The following OR4F16 variants were observed in gnomAD, a reference collection of about 807,000 sequenced individuals.
OR4F16 encodes olfactory receptor family 4 subfamily F member 16, also known as olfactory receptor 4F3/4F16/4F29.
At chr1:701,287 G>C in the OR4F16 span, among the ~76,000 whole-genome samples, 3 of 149,314 alleles carry the variant, frequency 2.0e-5, no homozygotes, top group South Asian at 6.3e-4. Flanking sequence ...TGGAGGCTGA[G>C]GAAAACGCAC....
At chr1:690,406 T>TG (rs1402094812), upstream of OR4F16, among the ~76,000 whole-genome samples, 244 of 113,350 alleles carry the variant, frequency 2.2e-3, no homozygotes, top group African/African-American at 9.5e-3. Context: ...CATAGCTGTT[T>TG]GCCAAAATTC....
chr1:687,455 T>C (rs1283247176), upstream of OR4F16, among the ~76,000 whole-genome samples: 2 of 138,816 alleles, frequency 1.4e-5, no homozygotes, highest in Non-Finnish European at 3.1e-5. Flanking sequence ...TCTGCTAAGA[T>C]ACATGCATAA....
At chr1:713,552 T>C in the OR4F16 span, among the ~76,000 whole-genome samples, 2 of 134,978 alleles carry the variant, frequency 1.5e-5, no homozygotes, top group African/African-American at 7.0e-5. Flanking sequence ...CCATAGTCTC[T>C]CCCATTTCAA....
the OR4F16 span, among the ~76,000 whole-genome samples, chr1:717,133 T>C: frequency 2.1e-5 from 3 of 144,080 alleles, no homozygotes; most frequent in South Asian, 2.2e-4. Flanking sequence ...TATTTGATCA[T>C]TGGGCATTGT....
chr1:702,343 G>A, the OR4F16 span: 2 of 148,976 alleles, frequency 1.3e-5, no homozygotes, highest in African/African-American at 5.0e-5. Context: ...GCAAGACTCT[G>A]TCGGGGAAAA....
the OR4F16 span, among the ~76,000 whole-genome samples, chr1:717,144 A>T: frequency 6.8e-6 from 1 of 146,214 alleles, no homozygotes; most frequent in Non-Finnish European, 1.5e-5. Context: ...TGGGCATTGT[A>T]TACATGTATC....
chr1:701,286 AG>A, the OR4F16 span, among the ~76,000 whole-genome samples: 2 of 149,536 alleles, frequency 1.3e-5, no homozygotes, highest in Admixed American at 1.3e-4. Context: ...GTGGAGGCTG[AG>A]GAAAACGCAC....
At chr1:702,442 C>A in the OR4F16 span, 84 of 141,818 alleles carry the variant, frequency 5.9e-4, 1 homozygote, top group African/African-American at 2.1e-3. Flanking sequence ...ATTATGATTT[C>A]TTTGTATTCC....
the OR4F16 span, among the ~76,000 whole-genome samples, chr1:701,703 A>G: frequency 2.7e-5 from 4 of 150,018 alleles, no homozygotes; most frequent in African/African-American, 1.0e-4. Context: ...ACTCTCAGTT[A>G]TAAGTGGGAG....
At chr1:702,311 C>T in the OR4F16 span, 3 of 144,762 alleles carry the variant, frequency 2.1e-5, no homozygotes, top group African/African-American at 7.8e-5. Context: ...CACGCCATTG[C>T]ACTCCAGCCT....
At chr1:702,265 T>C in the OR4F16 span, 1 of 131,142 alleles carries the variant, frequency 7.6e-6, no homozygotes, top group Non-Finnish European at 1.6e-5. Flanking sequence ...GAGAATCGCT[T>C]GAACCCAGGA....
At chr1:691,082 AAAAT>A (rs1270154230), upstream of OR4F16, among the ~76,000 whole-genome samples, 3 of 150,126 alleles carry the variant, frequency 2.0e-5, no homozygotes, top group South Asian at 2.1e-4. Context: ...ATAGAAATCA[AAAAT>A]AAATACATAA....
At chr1:702,052 A>G in the OR4F16 span, 4 of 146,610 alleles carry the variant, frequency 2.7e-5, no homozygotes, top group African/African-American at 5.1e-5. Flanking sequence ...TTGAGATATG[A>G]GACCCACCAC....
chr1:680,337 C>T, the OR4F16 span, among the ~76,000 whole-genome samples: 2 of 18,904 alleles, frequency 1.1e-4, no homozygotes, highest in East Asian at 1.2e-3. Context: ...TCCTATTCAA[C>T]GTAGTATTGG....
the OR4F16 span, among the ~76,000 whole-genome samples, chr1:718,385 TGAG>T: frequency 8.7e-6 from 1 of 114,922 alleles, no homozygotes; most frequent in Non-Finnish European, 1.6e-5. Context: ...GATGAAAGAA[TGAG>T]AAGATAAAGG....
chr1:687,539 A>C (rs1346150616), upstream of OR4F16, among the ~76,000 whole-genome samples: 10 of 126,676 alleles, frequency 7.9e-5, no homozygotes, highest in African/African-American at 2.9e-4. Flanking sequence ...GAAGACCAGC[A>C]CTTGGATTAG....
the OR4F16 span, among the ~76,000 whole-genome samples, chr1:717,287 A>G: frequency 8.6e-5 from 13 of 151,398 alleles, no homozygotes; most frequent in African/African-American, 2.9e-4. Flanking sequence ...AGATAACATT[A>G]GCAGCTGATT....
chr1:701,824 G>A, the OR4F16 span: 36 of 151,430 alleles, frequency 2.4e-4, no homozygotes, highest in Admixed American at 2.1e-3. Context: ...TTGGGTACTA[G>A]GTTTAATACC....
At chr1:702,465 C>T in the OR4F16 span, 1 of 135,196 alleles carries the variant, frequency 7.4e-6, no homozygotes, top group African/African-American at 2.7e-5. Context: ...ATTGTAATAG[C>T]TTTGTATTTG....
Sources: allele counts gnomAD v4.1 joint callset (sites outside exome capture counted in the v4.1 genomes callset), GRCh38; gene constraint gnomAD v4.1.1; transcripts MANE v1.5; gene names NCBI Gene and HGNC (gene_info 2026-07-23, HGNC 2026-07-21).